KCNK1: variants seen among roughly 807,000 people sequenced by gnomAD.
The protein encoded by KCNK1 is potassium two pore domain channel subfamily K member 1, also known as potassium channel subfamily K member 1.
KCNK1 carries 10 observed loss-of-function variants against 22.2 expected under a neutral mutation model. That is an observed-to-expected ratio of 0.45 (90% confidence interval 0.28 to 0.76). The LOEUF is 0.76. KCNK1 is among the 30% of genes least tolerant of loss of function. The probability of loss-of-function intolerance (pLI) is 0.14; values close to 1 mark genes in which losing one functional copy is unlikely to be tolerated. For missense variants in KCNK1, 378 were observed against 421.0 expected, an observed-to-expected ratio of 0.90 and a Z score of 0.89; for synonymous variants, 200 against 186.4, an observed-to-expected ratio of 1.07 and a Z score of -0.60.
chr1:233,620,601 A>G (rs1185383351), intron 1 of KCNK1, among the ~76,000 whole-genome samples: 1 of 152,192 alleles, frequency 6.6e-6, no homozygotes, highest in African/African-American at 2.4e-5. Context: ...TCTACTATAG[A>G]ATTTACATAA....
chr1:233,625,577 G>A (rs1657675076), intron 1 of KCNK1, among the ~76,000 whole-genome samples: 1 of 152,102 alleles, frequency 6.6e-6, no homozygotes, highest in Admixed American at 6.5e-5. Context: ...CATTTTCTGA[G>A]CTCCAGCATG....
chr1:233,633,505 C>T (rs541873788), intron 1 of KCNK1, among the ~76,000 whole-genome samples: 5 of 152,122 alleles, frequency 3.3e-5, no homozygotes, highest in East Asian at 1.9e-4. Context: ...CACTCCTAAA[C>T]CACCAATTCT....
intron 1 of KCNK1, among the ~76,000 whole-genome samples, chr1:233,626,278 G>GA (rs1221306687): frequency 6.6e-6 from 1 of 152,140 alleles, no homozygotes; most frequent in Non-Finnish European, 1.5e-5. Context: ...TTTCTGACCT[G>GA]AGCCCCTGGC....
At chr1:233,650,105 AGAG>A in intron 1 of KCNK1, 1 of 520,952 alleles carries the variant, frequency 1.9e-6, no homozygotes, top group South Asian at 1.4e-5. Flanking sequence ...AACTTTTAGG[AGAG>A]GAGACCTACA....
chr1:233,636,132 G>A (rs1395679091), intron 1 of KCNK1, among the ~76,000 whole-genome samples: 1 of 152,220 alleles, frequency 6.6e-6, no homozygotes, highest in Non-Finnish European at 1.5e-5. Flanking sequence ...TAGGGAAGTA[G>A]TGGAGTCAGA....
Position 233,671,324 on chromosome 1 carries a change from GA to G in KCNK1, c.807del (p.Glu269AspfsTer5). The G allele has an allele frequency of 6.2e-7, 1 of 1,614,156 alleles. No homozygotes were observed. Among genetic ancestry groups the G allele is most frequent in the Non-Finnish European group, 8.5e-7 (1 of 1,180,014 alleles). On this transcript the variant is annotated frameshift_variant, in exon 3 of 3. Transcript: ENST00000366621. LOFTEE classifies it high-confidence loss of function. ...AMLVVLETFCELHELKKFRKM... is the reference protein window; with the variant it reads ...AMLVVLETFCXLHELKKFRKM... ...GTTGGTAGTTCTGGAAACCTTCTGT[GA>G]ACTCCATGAGCTGAAAAAATTCAGA...
At chr1:233,619,342 C>CCCTGGTTA (rs1297996846) in intron 1 of KCNK1, among the ~76,000 whole-genome samples, 2 of 152,048 alleles carry the variant, frequency 1.3e-5, no homozygotes, top group East Asian at 3.9e-4. Context: ...CCATTGGTAA[C>CCCTGGTTA]CCTGGTGCCT....
At chr1:233,644,606 A>G (rs1457038081) in intron 1 of KCNK1, among the ~76,000 whole-genome samples, 1 of 152,178 alleles carries the variant, frequency 6.6e-6, no homozygotes, top group Non-Finnish European at 1.5e-5. Flanking sequence ...GGACAGTGAT[A>G]TTAGTCTGAG....
chr1:233,645,219 A>T (rs1658072097), intron 1 of KCNK1, among the ~76,000 whole-genome samples: 1 of 152,012 alleles, frequency 6.6e-6, no homozygotes, highest in Non-Finnish European at 1.5e-5. Context: ...GAGATATGAC[A>T]TCATTTTTAT....
chr1:233,626,159 A>G (rs747772423), intron 1 of KCNK1, among the ~76,000 whole-genome samples: 14 of 152,076 alleles, frequency 9.2e-5, no homozygotes, highest in South Asian at 6.3e-4. Context: ...AAAAGTGGTG[A>G]TGAGAAGTGG....
intron 1 of KCNK1, among the ~76,000 whole-genome samples, chr1:233,656,679 C>T (rs1255860016): frequency 6.6e-6 from 1 of 152,172 alleles, no homozygotes; most frequent in South Asian, 2.1e-4. Context: ...TGCAGTGGTG[C>T]ATGATCATGG....
intron 1 of KCNK1, among the ~76,000 whole-genome samples, chr1:233,624,547 A>T (rs1030985075): frequency 8.5e-5 from 13 of 152,106 alleles, no homozygotes. Context: ...CTAGCACTCA[A>T]CAGGTGCTCA....
chr1:233,656,566 A>C (rs1558117878), intron 1 of KCNK1, among the ~76,000 whole-genome samples: 1 of 152,146 alleles, frequency 6.6e-6, no homozygotes, highest in Non-Finnish European at 1.5e-5. Flanking sequence ...GACTCATTTC[A>C]TGTGATCAGC....
In KCNK1 at chr1:233,658,063, G is replaced by A. The variant is rs2102905780; in HGVS notation, c.356-8532G>A. 1.3e-5 allele frequency among the ~76,000 whole-genome samples: 2 copies of A among 152,276 alleles called. 1 individual carries two copies. The highest frequency in any genetic ancestry group is 6.8e-3 in the Middle Eastern group (2 of 294). The stretch of plus-strand genomic sequence containing the variant: ...GGGTGGTGTGAAAAGACATGGCAGG[G>A]ATTCGTATTTTTAAAATGGATGGAA... On this transcript the variant is annotated intron_variant, in intron 1 of 2. Transcript: ENST00000366621.
chr1:233,660,685 T>C (rs1426248764), intron 1 of KCNK1: 3 of 152,268 alleles, frequency 2.0e-5, no homozygotes, highest in African/African-American at 7.2e-5. Flanking sequence ...CACGGTCCTT[T>C]GTTCATTACT....
chr1:233,667,962 G>A (rs1658529533), intron 2 of KCNK1, among the ~76,000 whole-genome samples: 1 of 152,108 alleles, frequency 6.6e-6, no homozygotes, highest in Non-Finnish European at 1.5e-5. Context: ...TCTATTAACT[G>A]TTTCCAGAAT....
intron 1 of KCNK1, among the ~76,000 whole-genome samples, chr1:233,642,801 C>T (rs1394088921): frequency 2.0e-5 from 3 of 151,742 alleles, no homozygotes; most frequent in African/African-American, 7.3e-5. Context: ...CAGAGTCTCA[C>T]TCTGTCACCC....
At chr1:233,665,062 G>A (rs938100285) in intron 1 of KCNK1, among the ~76,000 whole-genome samples, 2 of 152,136 alleles carry the variant, frequency 1.3e-5, no homozygotes, top group African/African-American at 2.4e-5. Flanking sequence ...TGATTAGCTA[G>A]ATTTGGGAAA....
intron 2 of KCNK1, among the ~76,000 whole-genome samples, chr1:233,669,090 G>A (rs895133798): frequency 2.6e-5 from 4 of 152,142 alleles, no homozygotes; most frequent in African/African-American, 7.2e-5. Flanking sequence ...GCACTCCTGG[G>A]GTGGTGATGG....
Sources: allele counts gnomAD v4.1 joint callset (sites outside exome capture counted in the v4.1 genomes callset), GRCh38; gene constraint gnomAD v4.1.1; transcripts MANE v1.5; gene names NCBI Gene and HGNC (gene_info 2026-07-23, HGNC 2026-07-21).